Variants in CIT observed in about 807,000 individuals in gnomAD.
CIT encodes the protein citron Rho-interacting kinase.
A neutral mutation model predicts 272.7 loss-of-function variants in CIT; 79 were observed. The ratio of observed to expected loss-of-function variants is 0.29; its 90% confidence interval spans 0.24 to 0.35. The LOEUF (loss-of-function observed/expected upper bound fraction) is 0.35, where lower values mean the gene tolerates loss of function less well. CIT is among the 10% of genes least tolerant of loss of function. The probability of loss-of-function intolerance (pLI) is 1.00; values close to 1 mark genes in which losing one functional copy is unlikely to be tolerated. For missense variants in CIT, 1,909 were observed against 2,618.3 expected (o/e 0.73, Z 5.91); for synonymous variants, 948 against 995.6 (o/e 0.95, Z 0.90).
At chr12:119,750,007 C>A (rs1291226792) in intron 23 of CIT, among the ~76,000 whole-genome samples, 1 of 152,142 alleles carries the variant, frequency 6.6e-6, no homozygotes, top group Non-Finnish European at 1.5e-5. Flanking sequence ...CTCGGCTGCT[C>A]TGAAATAAAC....
chr12:119,834,122 G>C lies in CIT; in HGVS notation c.623C>G (p.Ala208Gly). 2 of 1,613,962 alleles carry C rather than the reference G, an allele frequency of 1.2e-6. No homozygotes were observed. The highest frequency in any genetic ancestry group is 1.7e-6 in the Non-Finnish European group (2 of 1,179,948). The change falls in exon 6 of 48, where the codon GCT (alanine) becomes GGT (glycine). Residue 208 changes from alanine (A) to glycine (G), a missense_variant. By Grantham distance (60) the Ala-to-Gly change is moderately conservative. Around this residue, in one of 8 missense-constraint regions of CIT, gnomAD observed 529 missense variants for 549.6 expected, o/e 0.96. Transcript: ENST00000392521. Reference protein sequence around the residue: ...IQFYLAELILAVHSVHLMGYV... With the variant: ...IQFYLAELILGVHSVHLMGYV... ...TCCCATCAGATGAACGCTGTGAACA[G>C]CCAAAATCAGCTCAGCTAGGTAAAA...
In CIT at chr12:119,770,529, TAA is replaced by T. The variant is rs11295550; in HGVS notation, c.2208+254_2208+255del. 4.1e-3 allele frequency among the ~76,000 whole-genome samples: 581 copies of T among 142,486 alleles called. No individual in the cohort carries two copies. The highest frequency in any genetic ancestry group is 7.2e-3 in the Middle Eastern group (2 of 276). 93.5% of individuals were successfully genotyped at this position (142,486 alleles called of 152,430 possible). A position where few individuals can be genotyped will look rare whatever the true frequency, so the allele number is the denominator to read the frequency against. On this transcript the variant is annotated intron_variant, in intron 18 of 47. Transcript: ENST00000392521. The surrounding 1 kb of genome is among the most constrained non-coding windows in gnomAD (Gnocchi z 4.4). Reference sequence around the variant, plus strand: ...TGAAAATGATAGATGCACGTTCCACTAAAAAAAAAAAAAAAGCCAGGCTGTAG... The same window carrying T: ...TGAAAATGATAGATGCACGTTCCACTAAAAAAAAAAAAAGCCAGGCTGTAG...
chr12:119,868,351 A>T (rs1950573462), intron 3 of CIT, among the ~76,000 whole-genome samples: 1 of 152,228 alleles, frequency 6.6e-6, no homozygotes, highest in Non-Finnish European at 1.5e-5. Flanking sequence ...TCAGTTAATT[A>T]AAAGTAATTA....
At position 119,688,285 on chromosome 12, in the gene CIT, C is replaced by T. The variant is rs377569221; in HGVS notation, c.6187-30G>A. On this transcript the variant is annotated intron_variant, in intron 47 of 47. Coordinates refer to ENST00000392521, the MANE Select transcript of CIT (RefSeq NM_001206999.2). ...GAGTGAAATAAGGAGGAGTGTTAGC[C>T]ATCCGAGGCCAGAAGTTGCTGTGCT... 24 of 1,608,728 alleles carry T rather than the reference C, an allele frequency of 1.5e-5. No homozygotes were observed. In the African/African-American group the frequency reaches 3.1e-4, roughly 21 times the overall value.
chr12:119,737,076 C>T (rs894771579), intron 24 of CIT, among the ~76,000 whole-genome samples: 5 of 152,010 alleles, frequency 3.3e-5, no homozygotes, highest in African/African-American at 1.2e-4. Context: ...GACCTTAATG[C>T]ATCATGTAAA....
At chr12:119,865,960 T>A (rs1487232242) in intron 3 of CIT, among the ~76,000 whole-genome samples, 2 of 151,166 alleles carry the variant, frequency 1.3e-5, no homozygotes, top group South Asian at 4.2e-4. Context: ...AGCACTATAG[T>A]GAACATATGC....
chr12:119,715,543 C>A (rs114588037), intron 32 of CIT, among the ~76,000 whole-genome samples: 1 of 148,036 alleles, frequency 6.8e-6, no homozygotes, highest in African/African-American at 2.5e-5. Flanking sequence ...AGGAGAATGG[C>A]GGGGGACTGA....
rs146966865 is a variant in CIT at position 119,786,208 on chromosome 12, G to C, written c.1296-1143C>G. Among the ~76,000 whole-genome samples the C allele has an allele frequency of 1.2e-3, 183 of 152,284 alleles. 1 individual carries two copies. Among genetic ancestry groups the C allele is most frequent in the African/African-American group, 4.2e-3 (173 of 41,562 alleles). On this transcript the variant is annotated intron_variant, in intron 10 of 47. Coordinates refer to ENST00000392521, the MANE Select transcript of CIT (RefSeq NM_001206999.2). Reference sequence around the variant, plus strand: ...AACTGCCAGTTGATAAATAGTTTCTGCTGGTCTCAAGAGGGAGCTGGGGTA... The same window carrying C: ...AACTGCCAGTTGATAAATAGTTTCTCCTGGTCTCAAGAGGGAGCTGGGGTA...
rs770059015 is a variant in CIT at position 119,718,648 on chromosome 12, T to C, written c.4003+51A>G. ...TCTTGGCTGATCTCACTGAGATCAA[T>C]CCTCTGCCTTTTCCACATCCTTGAG... On this transcript the variant is annotated intron_variant, in intron 31 of 47. Transcript: ENST00000392521. The surrounding 1 kb of genome is among the most constrained non-coding windows in gnomAD (Gnocchi z 4.8). The C allele has an allele frequency of 4.5e-5, 72 of 1,607,980 alleles. No individual in the cohort carries two copies. The South Asian group carries it at 7.5e-4, about 17-fold the overall frequency.
intron 24 of CIT, among the ~76,000 whole-genome samples, chr12:119,736,876 C>T (rs1958795179): frequency 6.6e-6 from 1 of 152,124 alleles, no homozygotes; most frequent in African/African-American, 2.4e-5. Context: ...AATTCCTCCC[C>T]CTACCTCTTT....
At chr12:119,807,037 G>A (rs1004902136) in intron 9 of CIT, among the ~76,000 whole-genome samples, 3 of 152,078 alleles carry the variant, frequency 2.0e-5, no homozygotes, top group African/African-American at 7.2e-5. Context: ...TTAAGCTATG[G>A]TCTACACACT....
rs1035101791 is a variant in CIT, at chr12:119,688,109, G to C, written c.*123C>G. 21 of 1,076,958 alleles carry C rather than the reference G, an allele frequency of 1.9e-5. No homozygotes were observed. In the African/African-American group the frequency reaches 2.5e-4, roughly 13 times the overall value. 66.7% of individuals were successfully genotyped at this position (1,076,958 alleles called of 1,614,324 possible). A position where few individuals can be genotyped will look rare whatever the true frequency, so the allele number is the denominator to read the frequency against. The stretch of plus-strand genomic sequence containing the variant: ...GGGTGTCCGTGCCGAGGTGGGTCTG[G>C]GCCCCGCTGAGCCAGAGGGTGGCTG... On this transcript the variant is annotated 3_prime_UTR_variant, in exon 48 of 48. Transcript: ENST00000392521.
intron 13 of CIT, among the ~76,000 whole-genome samples, chr12:119,778,449 G>T (rs1963983802): frequency 6.6e-6 from 1 of 152,148 alleles, no homozygotes. Flanking sequence ...ATTGAATCAA[G>T]AATGTCTTTA....
intron 23 of CIT, among the ~76,000 whole-genome samples, chr12:119,750,049 G>A (rs1350471620): frequency 6.6e-6 from 1 of 152,126 alleles, no homozygotes; most frequent in Non-Finnish European, 1.5e-5. Context: ...AATCCCCTGG[G>A]GAGAAAAAGC....
intron 6 of CIT, 114 bp from the exon 7 acceptor site, chr12:119,832,978 C>T: frequency 3.0e-6 from 2 of 671,606 alleles, no homozygotes; most frequent in South Asian, 3.9e-5. Flanking sequence ...GTTATATAGA[C>T]CTCCTCTATT....
At position 119,804,034 on chromosome 12, in the gene CIT, T is replaced by C. The variant is rs1402447841; in HGVS notation, c.1112-645A>G. 1 of 387,748 alleles carries C rather than the reference T, an allele frequency of 2.6e-6. No individual in the cohort carries two copies. The highest frequency in any genetic ancestry group is 3.5e-6 in the Non-Finnish European group (1 of 284,118). 24.0% of individuals were successfully genotyped at this position (387,748 alleles called of 1,614,324 possible). ...TTATGCATCTTCCCCAGCGCAATCA[T>C]GCCCATCAAATCCACTGCAGTTTAA... On this transcript the variant is annotated intron_variant, in intron 9 of 47. Transcript: ENST00000392521. The surrounding 1 kb of genome is among the most constrained non-coding windows in gnomAD (Gnocchi z 5.3).
chr12:119,751,919 A>G, intron 23 of CIT, 131 bp downstream of exon 23: 1 of 806,308 alleles, frequency 1.2e-6, no homozygotes, highest in Non-Finnish European at 1.9e-6. Context: ...TTTCCTGGCC[A>G]CTGAATATCT....
rs1425307208 is a variant in CIT, at chr12:119,782,654, T to A, written c.1546-17A>T. On this transcript the variant is annotated splice_polypyrimidine_tract_variant and intron_variant, in intron 12 of 47. Coordinates refer to ENST00000392521, the MANE Select transcript of CIT (RefSeq NM_001206999.2). The stretch of plus-strand genomic sequence containing the variant: ...CTTTAAGCTCTGCAGAAAGCAAAAA[T>A]TTTAATAGGGATGCCCTGTGGATCC... 2 of 1,613,284 alleles carry A rather than the reference T, an allele frequency of 1.2e-6. No individual in the cohort carries two copies. The highest frequency in any genetic ancestry group is 1.7e-6 in the Non-Finnish European group (2 of 1,179,836).
At chr12:119,846,279 C>G (rs900374131) in intron 5 of CIT, among the ~76,000 whole-genome samples, 8 of 152,144 alleles carry the variant, frequency 5.3e-5, no homozygotes, top group African/African-American at 9.7e-5. Context: ...CAACTGAGTT[C>G]CTTCACACAG....
Sources: allele counts gnomAD v4.1 joint callset (sites outside exome capture counted in the v4.1 genomes callset), GRCh38; gene constraint gnomAD v4.1.1; regional missense constraint gnomAD v4.1.1; non-coding constraint Gnocchi (gnomAD v3.1); transcripts MANE v1.5; gene names NCBI Gene and HGNC (gene_info 2026-07-23, HGNC 2026-07-21).